Variants in NKAIN2 observed in about 807,000 individuals in gnomAD.
NKAIN2 encodes the protein sodium/potassium-transporting ATPase subunit beta-1-interacting protein 2.
Under a neutral mutation model 32.6 loss-of-function variants are expected in NKAIN2, and 14 were observed. The ratio of observed to expected loss-of-function variants is 0.43; its 90% CI spans 0.28 to 0.67. The LOEUF (loss-of-function observed/expected upper bound fraction) is 0.67. Ranked by LOEUF, NKAIN2 falls within the 30% of genes least tolerant of loss-of-function variation. The pLI, the probability that NKAIN2 is intolerant of heterozygous loss-of-function variation, is 0.17. For synonymous variants in NKAIN2, 80 were observed against 87.2 expected (o/e 0.92, Z 0.46); for missense variants, 198 against 258.3 (o/e 0.77, Z 1.60).
chr6:124,568,509 A>C (rs377301095), intron 3 of NKAIN2, among the ~76,000 whole-genome samples: 5 of 152,186 alleles, frequency 3.3e-5, no homozygotes, highest in Admixed American at 2.6e-4. Context: ...AGTCTCATAT[A>C]AGGTAAGTAA....
intron 1 of NKAIN2, among the ~76,000 whole-genome samples, chr6:124,003,685 T>C (rs1036747550): frequency 2.6e-5 from 4 of 152,120 alleles, no homozygotes; most frequent in African/African-American, 9.7e-5. Context: ...AATGAGGTTT[T>C]GGGGGAACAG....
Position 124,182,893 on chromosome 6 carries a change from T to C in NKAIN2, c.55-100112T>C, listed in dbSNP as rs143303031. On this transcript the variant is annotated intron_variant, in intron 1 of 6. Coordinates refer to ENST00000368417, the MANE Select transcript of NKAIN2 (RefSeq NM_001040214.3). ...AGTCTGAAAATATGCCCTATGTTCC[T>C]ACTGTTTTCAAACTATAGTTATTAG... Among the ~76,000 whole-genome samples the C allele has an allele frequency of 3.3e-5, 5 of 152,294 alleles. No individual in the cohort carries two copies. In the East Asian group the frequency reaches 9.7e-4, roughly 29 times the overall value.
chr6:124,290,551 TGC>T (rs1554278159), intron 2 of NKAIN2, among the ~76,000 whole-genome samples: 4 of 137,640 alleles, frequency 2.9e-5, no homozygotes, highest in South Asian at 2.3e-4. Flanking sequence ...TGTGTGTGTG[TGC>T]GTCTGTGTTG....
At chr6:124,772,108 AT>A (rs1229787311) in intron 4 of NKAIN2, among the ~76,000 whole-genome samples, 2 of 152,206 alleles carry the variant, frequency 1.3e-5, no homozygotes, top group African/African-American at 4.8e-5. Flanking sequence ...GCATAATAGA[AT>A]TGCATTTTTA....
At chr6:124,652,313 A>G in intron 3 of NKAIN2, among the ~76,000 whole-genome samples, 1 of 152,206 alleles carries the variant, frequency 6.6e-6, no homozygotes, top group Non-Finnish European at 1.5e-5. Flanking sequence ...TTCCTATCAT[A>G]ACCACTTAAG....
intron 3 of NKAIN2, among the ~76,000 whole-genome samples, chr6:124,552,586 G>A (rs1474950890): frequency 2.0e-5 from 3 of 152,162 alleles, no homozygotes; most frequent in African/African-American, 7.2e-5. Context: ...TCTCCCAAAA[G>A]GTTAAATGAA....
chr6:124,637,743 C>T lies in NKAIN2; in HGVS notation c.274-20443C>T, dbSNP rs138437505. On this transcript the variant is annotated intron_variant, in intron 3 of 6. Coordinates refer to ENST00000368417, the MANE Select transcript of NKAIN2 (RefSeq NM_001040214.3). ...TCTCTACAATGAAACAGTAAAACACCGATTTAAAAAATTAAAGAGGACCCC... is the reference window on the plus strand; with the variant it reads ...TCTCTACAATGAAACAGTAAAACACTGATTTAAAAAATTAAAGAGGACCCC... Among the ~76,000 whole-genome samples, 420 of 151,860 alleles carry T rather than the reference C, an allele frequency of 2.8e-3. 1 individual carries two copies. The highest frequency in any genetic ancestry group is 8.3e-3 in the African/African-American group (345 of 41,452).
chr6:124,239,672 A>G (rs964479663), intron 1 of NKAIN2, among the ~76,000 whole-genome samples: 2 of 152,222 alleles, frequency 1.3e-5, no homozygotes, highest in African/African-American at 4.8e-5. Context: ...ATTAAGGCAG[A>G]AATAAAGATG....
chr6:124,505,615 A>G (rs1321103669), intron 3 of NKAIN2, among the ~76,000 whole-genome samples: 1 of 152,188 alleles, frequency 6.6e-6, no homozygotes, highest in Non-Finnish European at 1.5e-5. Context: ...CTGGTAAATG[A>G]TCTGCATTTT....
intron 3 of NKAIN2, among the ~76,000 whole-genome samples, chr6:124,545,146 C>G (rs559345954): frequency 2.2e-4 from 34 of 152,282 alleles, no homozygotes; most frequent in Non-Finnish European, 4.0e-4. Flanking sequence ...GGATTGAATT[C>G]TATTCACTAA....
chr6:124,806,103 G>C lies in NKAIN2; in HGVS notation c.536-12284G>C, dbSNP rs556293188. Among the ~76,000 whole-genome samples the C allele has an allele frequency of 2.6e-4, 39 of 152,192 alleles. No homozygotes were observed. The South Asian group carries it at 8.1e-3, about 32-fold the overall frequency. On this transcript the variant is annotated intron_variant, in intron 5 of 6. Coordinates refer to ENST00000368417, the MANE Select transcript of NKAIN2 (RefSeq NM_001040214.3). ...CAGGAGAACTTCTCCAATCTAGCAAGGCAGGCCAACGTTCAGATTCAGGAA... is the reference window on the plus strand; with the variant it reads ...CAGGAGAACTTCTCCAATCTAGCAACGCAGGCCAACGTTCAGATTCAGGAA...
intron 1 of NKAIN2, among the ~76,000 whole-genome samples, chr6:124,000,235 C>T (rs1176229233): frequency 6.6e-6 from 1 of 151,946 alleles, no homozygotes; most frequent in African/African-American, 2.4e-5. Flanking sequence ...TCAATTCTTA[C>T]CACATATACA....
intron 3 of NKAIN2, among the ~76,000 whole-genome samples, chr6:124,521,830 C>A (rs900470067): frequency 1.4e-4 from 21 of 151,902 alleles, no homozygotes; most frequent in African/African-American, 4.8e-4. Flanking sequence ...AAACTCCATA[C>A]AGATAAAACA....
chr6:124,446,603 A>G (rs1477318655), intron 3 of NKAIN2, among the ~76,000 whole-genome samples: 1 of 152,116 alleles, frequency 6.6e-6, no homozygotes, highest in Non-Finnish European at 1.5e-5. Flanking sequence ...TTGTCCTCCC[A>G]AAGTGCTGGA....
At chr6:124,364,250 A>AAGAGAGAG (rs1554288847) in intron 3 of NKAIN2, among the ~76,000 whole-genome samples, 4 of 139,750 alleles carry the variant, frequency 2.9e-5, no homozygotes, top group South Asian at 2.2e-4. Context: ...AAAAAAAAAA[A>AAGAGAGAG]AGAGAGAAAA....
intron 3 of NKAIN2, among the ~76,000 whole-genome samples, chr6:124,591,814 G>A (rs896905926): frequency 2.0e-5 from 3 of 152,106 alleles, no homozygotes; most frequent in Admixed American, 6.5e-5. Flanking sequence ...TGGTTATAGT[G>A]TCCTCTTGGA....
At chr6:124,573,655 A>G (rs1781219098) in intron 3 of NKAIN2, among the ~76,000 whole-genome samples, 1 of 152,144 alleles carries the variant, frequency 6.6e-6, no homozygotes, top group South Asian at 2.1e-4. Flanking sequence ...AGGCAGAATA[A>G]TGTAGCGCAG....
intron 4 of NKAIN2, among the ~76,000 whole-genome samples, chr6:124,713,909 TA>T (rs1775621071): frequency 6.6e-6 from 1 of 152,218 alleles, no homozygotes; most frequent in Middle Eastern, 3.2e-3. Flanking sequence ...CAGGGGTGAT[TA>T]AAGGACCTTC....
At chr6:124,545,413 C>A (rs370156962) in intron 3 of NKAIN2, among the ~76,000 whole-genome samples, 27 of 152,196 alleles carry the variant, frequency 1.8e-4, no homozygotes, top group African/African-American at 6.3e-4. Flanking sequence ...AGAGATAAGT[C>A]ATTGGCAAGG....
Sources: gnomAD v4.1 joint callset for allele counts (sites outside exome capture counted in the v4.1 genomes callset) on GRCh38, gnomAD v4.1.1 for gene constraint, MANE v1.5 for transcripts, NCBI Gene and HGNC (gene_info 2026-07-23, HGNC 2026-07-21) for gene names.